The following PTP4A1 variants were observed in gnomAD, a reference collection of about 807,000 sequenced individuals.
The protein encoded by PTP4A1 is protein tyrosine phosphatase type IVA 1.
PTP4A1 carries 9 observed loss-of-function variants against 20.5 expected under a neutral mutation model. The ratio of observed to expected loss-of-function variants is 0.44; its 90% confidence interval spans 0.26 to 0.77. The LOEUF is 0.77. Ranked by LOEUF, PTP4A1 falls within the 30% of genes least tolerant of loss-of-function variation. The probability of loss-of-function intolerance (pLI) is 0.19; values close to 1 mark genes in which losing one functional copy is unlikely to be tolerated. For synonymous variants in PTP4A1, 78 were observed against 67.4 expected (o/e 1.16, Z -0.77); for missense variants, 137 against 218.8 (o/e 0.63, Z 2.36).
At chr6:63,557,802 TTATC>T (rs1776753768) in intron 3 of PTP4A1, among the ~76,000 whole-genome samples, 3 of 152,184 alleles carry the variant, frequency 2.0e-5, no homozygotes, top group Non-Finnish European at 4.4e-5. Context: ...AGTTTGGACT[TTATC>T]TAAAAGTCAG....
intron 2 of PTP4A1, among the ~76,000 whole-genome samples, chr6:63,529,137 G>GTATATATATGTGTATA (rs1562112373): frequency 7.3e-6 from 1 of 136,794 alleles, no homozygotes; most frequent in African/African-American, 2.8e-5. Flanking sequence ...ATATGTGTGT[G>GTATATATATGTGTATA]TATATATATA....
Position 63,548,935 on chromosome 6 carries a change from G to A in PTP4A1, c.-639-1365G>A, listed in dbSNP as rs10428775. ...GTGCAGGTCTTCCTGTGGACTAGAC[G>A]TCCCAGTCTTGCCTCCCCCTTGATA... On this transcript the variant is annotated intron_variant, in intron 2 of 3. Transcript: ENST00000639568. 2.4e-3 allele frequency: 2,096 copies of A among 882,826 alleles called. 38 individuals carry two copies. The African/African-American group carries it at 0.03, about 13-fold the overall frequency. 54.7% of individuals were successfully genotyped at this position (882,826 alleles called of 1,614,324 possible).
upstream of PTP4A1, among the ~76,000 whole-genome samples, chr6:63,521,568 A>G (rs145827622): frequency 1.5e-4 from 23 of 152,356 alleles, no homozygotes; most frequent in African/African-American, 5.0e-4. Flanking sequence ...ACCATTAACC[A>G]CCAAAATTAT....
upstream of PTP4A1, among the ~76,000 whole-genome samples, chr6:63,516,821 G>T (rs1384545713): frequency 2.0e-5 from 3 of 152,166 alleles, no homozygotes; most frequent in Non-Finnish European, 4.4e-5. Flanking sequence ...CTAGAATATG[G>T]ACATGAAGGC....
rs1399693403 is a variant in PTP4A1, at chr6:63,578,996, T to C, written c.297T>C (p.Cys99=). Residue 99 remains cysteine, a synonymous_variant, in exon 4 of 6, where the codon TGT becomes TGC. Coordinates refer to ENST00000626021, the MANE Select transcript of PTP4A1 (RefSeq NM_003463.5). The stretch of plus-strand genomic sequence containing the variant: ...AGTTTCGTGAAGAACCTGGTTGTTG[T>C]ATTGCTGTTCATTGCGTTGCAGGCC... ...KIKFREEPGC[C]IAVHCVAGLG... 1.9e-6 allele frequency: 3 copies of C among 1,607,078 alleles called. No individual in the cohort carries two copies. Among genetic ancestry groups the C allele is most frequent in the Middle Eastern group, 1.7e-4 (1 of 5,982 alleles).
At chr6:63,547,302 G>C (rs1363539822) in intron 2 of PTP4A1, among the ~76,000 whole-genome samples, 1 of 149,528 alleles carries the variant, frequency 6.7e-6, no homozygotes, top group Non-Finnish European at 1.5e-5. Flanking sequence ...TGATTCTCCT[G>C]TCTCAGCCTC....
chr6:63,575,587 A>G (rs1240872738), intron 1 of PTP4A1, among the ~76,000 whole-genome samples: 2 of 152,156 alleles, frequency 1.3e-5, no homozygotes, highest in African/African-American at 4.8e-5. Context: ...CACCTTCAAC[A>G]TCCCTTTGTC....
chr6:63,566,328 T>A (rs1415547435), intron 3 of PTP4A1, among the ~76,000 whole-genome samples: 1 of 152,196 alleles, frequency 6.6e-6, no homozygotes, highest in Non-Finnish European at 1.5e-5. Context: ...TTTACCCACA[T>A]TAGTCTGTAG....
chr6:63,531,327 A>G (rs1775452256), intron 2 of PTP4A1, among the ~76,000 whole-genome samples: 1 of 152,124 alleles, frequency 6.6e-6, no homozygotes, highest in South Asian at 2.1e-4. Flanking sequence ...GGCCTGTAAC[A>G]TTTTCAGTCT....
intron 2 of PTP4A1, among the ~76,000 whole-genome samples, chr6:63,536,245 G>A (rs1034997774): frequency 1.4e-4 from 22 of 152,236 alleles, no homozygotes; most frequent in Non-Finnish European, 2.5e-4. Context: ...CAGGAGAATC[G>A]CTCGAACCTG....
At position 63,583,568 on chromosome 6, in the gene PTP4A1, T is replaced by G. The variant is rs779568583; in HGVS notation, c.*3394T>G. The G allele has an allele frequency of 6.6e-6, 1 of 152,228 alleles. No individual in the cohort carries two copies. Among genetic ancestry groups the G allele is most frequent in the African/African-American group, 2.4e-5 (1 of 41,462 alleles). The allele number at this position is 152,228 out of a possible 1,614,324, so 9.4% of individuals were successfully genotyped here. A position where few individuals can be genotyped will look rare whatever the true frequency, so the allele number is the denominator to read the frequency against. ...ATATATTGCCGCAGTAACCAGTTAA[T>G]AAATTGATAGCTACCATTTATTAAT... On this transcript the variant is annotated 3_prime_UTR_variant, in exon 6 of 6. Coordinates refer to ENST00000626021, the MANE Select transcript of PTP4A1 (RefSeq NM_003463.5).
chr6:63,542,855 C>T (rs908471046), intron 2 of PTP4A1, among the ~76,000 whole-genome samples: 1 of 152,174 alleles, frequency 6.6e-6, no homozygotes, highest in Admixed American at 6.5e-5. Flanking sequence ...CTACCTGATT[C>T]ATCCAAGCCA....
chr6:63,582,399 AAAT>A lies in PTP4A1; in HGVS notation c.*2228_*2230del, dbSNP rs1778293660. The A allele has an allele frequency of 6.6e-6, 1 of 152,634 alleles. No individual in the cohort carries two copies. The highest frequency in any genetic ancestry group is 6.5e-5 in the Admixed American group (1 of 15,270). The allele number at this position is 152,634 out of a possible 1,614,324, so 9.5% of individuals were successfully genotyped here. On this transcript the variant is annotated 3_prime_UTR_variant, in exon 6 of 6. Transcript: ENST00000626021. ...GTTTGGATTGTATATATGGTGCTAA[AAAT>A]AAATTAATTTACTTTATAAACCTTA...
rs2758261 is a variant in PTP4A1, at chr6:63,577,819, T to C, written c.106-618T>C. Among the ~76,000 whole-genome samples, 13 of 150,946 alleles carry C rather than the reference T, an allele frequency of 8.6e-5. No individual in the cohort carries two copies. The South Asian group carries it at 1.9e-3, about 22-fold the overall frequency. ...CACCACGCCTGGCTGGGAAATACTT[T>C]AATGGTACTTTAATTTTTATTACTA... On this transcript the variant is annotated intron_variant, in intron 2 of 5. Coordinates refer to ENST00000626021, the MANE Select transcript of PTP4A1 (RefSeq NM_003463.5).
chr6:63,542,378 A>G (rs1776019358), intron 2 of PTP4A1, among the ~76,000 whole-genome samples: 1 of 151,962 alleles, frequency 6.6e-6, no homozygotes, highest in Admixed American at 6.6e-5. Context: ...CACTAAGGAA[A>G]TTACTCATGT....
chr6:63,534,061 T>C (rs1348675312), intron 2 of PTP4A1, among the ~76,000 whole-genome samples: 1 of 152,048 alleles, frequency 6.6e-6, no homozygotes, highest in East Asian at 1.9e-4. Flanking sequence ...CAGGCTAGTC[T>C]AGAAATTCTG....
At chr6:63,551,380 G>C (rs1776433726) in intron 3 of PTP4A1, among the ~76,000 whole-genome samples, 1 of 151,900 alleles carries the variant, frequency 6.6e-6, no homozygotes, top group Non-Finnish European at 1.5e-5. Flanking sequence ...TGGGTAATTT[G>C]GGCAACAACA....
At chr6:63,538,488 A>G (rs879400962) in intron 2 of PTP4A1, among the ~76,000 whole-genome samples, 1 of 152,242 alleles carries the variant, frequency 6.6e-6, no homozygotes, top group Non-Finnish European at 1.5e-5. Context: ...TCGAGACACT[A>G]AGTGATAAAG....
intron 3 of PTP4A1, among the ~76,000 whole-genome samples, chr6:63,563,214 T>A (rs1001143567): frequency 6.6e-6 from 1 of 152,186 alleles, no homozygotes; most frequent in Admixed American, 6.5e-5. Context: ...TAAAACAAAT[T>A]TCCTGATATG....
Sources: allele counts gnomAD v4.1 joint callset (sites outside exome capture counted in the v4.1 genomes callset), GRCh38; gene constraint gnomAD v4.1.1; transcripts MANE v1.5; gene names NCBI Gene and HGNC (gene_info 2026-07-23, HGNC 2026-07-21).